Variants in RYR2 observed in about 807,000 individuals in gnomAD.
RYR2 encodes ryanodine receptor 2, also known as cardiac muscle ryanodine receptor-calcium release channel.
RYR2 carries 227 observed loss-of-function variants against 601.1 expected under a neutral mutation model. The ratio of observed to expected loss-of-function variants is 0.38; its 90% confidence interval spans 0.34 to 0.42. The LOEUF (loss-of-function observed/expected upper bound fraction) is 0.42, where lower values mean the gene tolerates loss of function less well. Among genes scored for constraint, RYR2 ranks in the 10% least tolerant of loss-of-function variants. RYR2 has a pLI of 1.00. For synonymous variants in RYR2, 2,223 were observed against 2,175.1 expected (o/e 1.02, Z -0.61); for missense variants, 4,646 against 6,156.5 (o/e 0.75, Z 8.21).
At chr1:237,441,667 A>G (rs753670471) in intron 13 of RYR2, among the ~76,000 whole-genome samples, 184 bp downstream of exon 13, 3 of 152,196 alleles carry the variant, frequency 2.0e-5, no homozygotes, top group South Asian at 2.1e-4. Context: ...TGGATGTTAC[A>G]TCACTCATAT....
intron 1 of RYR2, among the ~76,000 whole-genome samples, chr1:237,107,230 T>C (rs1033152234): frequency 3.9e-5 from 6 of 152,126 alleles, no homozygotes; most frequent in South Asian, 2.1e-4. Flanking sequence ...GATGCTGTAC[T>C]ATGAGCCCCA....
intron 1 of RYR2, among the ~76,000 whole-genome samples, chr1:237,054,224 T>C (rs1298595419): frequency 6.9e-6 from 1 of 145,116 alleles, no homozygotes; most frequent in African/African-American, 2.5e-5. Flanking sequence ...TTCCTTTTTC[T>C]TCCCTCCTTC....
At chr1:237,774,492 C>A (rs1694504430) in intron 87 of RYR2, among the ~76,000 whole-genome samples, 1 of 152,136 alleles carries the variant, frequency 6.6e-6, no homozygotes, top group African/African-American at 2.4e-5. Context: ...CTCCTCCAGG[C>A]TCACTCGCCT....
chr1:237,705,077 C>T, intron 66 of RYR2, 136 bp from the exon 67 acceptor site: 1 of 716,326 alleles, frequency 1.4e-6, no homozygotes, highest in African/African-American at 1.8e-5. Flanking sequence ...TTTAGCAATA[C>T]AGAAATTGGA....
At position 237,717,272 on chromosome 1, in the gene RYR2, T is replaced by C. The variant is rs549648547; in HGVS notation, c.10398T>C (p.Ile3466=). Residue 3466 remains isoleucine (I), a synonymous_variant, in exon 72 of 105, where the codon ATT becomes ATC. Transcript: ENST00000366574. The part of the protein sequence containing the change: ...GDRYSMQTSL[I]VAALKRLLPI... ...GGTATTCCATGCAGACCTCTCTGATTGTAGCAGCTCTGAAGCGGTTACTGC... is the reference window on the plus strand; with the variant it reads ...GGTATTCCATGCAGACCTCTCTGATCGTAGCAGCTCTGAAGCGGTTACTGC... 1 of 1,613,780 alleles carries C rather than the reference T, an allele frequency of 6.2e-7. No homozygotes were observed. Among genetic ancestry groups the C allele is most frequent in the Non-Finnish European group, 8.5e-7 (1 of 1,179,748 alleles).
At chr1:237,287,721 C>A (rs954734555) in intron 2 of RYR2, among the ~76,000 whole-genome samples, 20 of 152,182 alleles carry the variant, frequency 1.3e-4, no homozygotes, top group Non-Finnish European at 2.6e-4. Flanking sequence ...CTTCTTGTAT[C>A]ATTTTTTGTA....
intron 1 of RYR2, among the ~76,000 whole-genome samples, chr1:237,123,422 AC>A (rs1236836858): frequency 6.6e-6 from 1 of 152,084 alleles, no homozygotes; most frequent in African/African-American, 2.4e-5. Context: ...CCTAGTCTCT[AC>A]AAAAAAATAG....
intron 1 of RYR2, among the ~76,000 whole-genome samples, chr1:237,134,316 T>G (rs1402494501): frequency 6.6e-6 from 1 of 152,190 alleles, no homozygotes; most frequent in Non-Finnish European, 1.5e-5. Context: ...ATGTTCATGC[T>G]GTTAATCAAG....
intron 58 of RYR2, 69 bp downstream of exon 58, chr1:237,668,027 C>G: frequency 8.3e-7 from 1 of 1,201,600 alleles, no homozygotes; most frequent in Non-Finnish European, 1.2e-6. Context: ...TGGATGAAGT[C>G]GTCTTCAGCA....
At chr1:237,099,071 G>C (rs1330626637) in intron 1 of RYR2, among the ~76,000 whole-genome samples, 2 of 150,520 alleles carry the variant, frequency 1.3e-5, no homozygotes, top group African/African-American at 4.9e-5. Flanking sequence ...GGCTTTTAAA[G>C]ATCATCTTTC....
At chr1:237,436,463 T>TTTTTTTTTTTTTTTTTTTTG (rs1707380648) in intron 12 of RYR2, among the ~76,000 whole-genome samples, 1 of 131,546 alleles carries the variant, frequency 7.6e-6, no homozygotes, top group African/African-American at 2.9e-5. Flanking sequence ...CCTTTTTTTT[T>TTTTTTTTTTTTTTTTTTTTG]TTTTTTTTTT....
At chr1:237,116,606 A>G (rs535169696) in intron 1 of RYR2, among the ~76,000 whole-genome samples, 1 of 152,294 alleles carries the variant, frequency 6.6e-6, no homozygotes, top group South Asian at 2.1e-4. Context: ...ATTATGAGAA[A>G]TGGGCTCACA....
chr1:237,684,945 A>AAAG (rs397722429), intron 62 of RYR2, among the ~76,000 whole-genome samples: 1 of 151,172 alleles, frequency 6.6e-6, no homozygotes, highest in Non-Finnish European at 1.5e-5. Flanking sequence ...AAAAAAAAAA[A>AAAG]TACTGTAAAC....
intron 12 of RYR2, among the ~76,000 whole-genome samples, chr1:237,427,588 A>G (rs1037999611): frequency 6.6e-6 from 1 of 151,722 alleles, no homozygotes; most frequent in Non-Finnish European, 1.5e-5. Flanking sequence ...TTCGAGACCA[A>G]CCTGGCCAAC....
At chr1:237,402,382 A>C (rs1464276255) in intron 10 of RYR2, among the ~76,000 whole-genome samples, 1 of 150,500 alleles carries the variant, frequency 6.6e-6, no homozygotes, top group African/African-American at 2.4e-5. Flanking sequence ...GCAAGACCCT[A>C]TCTCTTAAAA....
chr1:237,392,152 G>C (rs534442602), intron 10 of RYR2, among the ~76,000 whole-genome samples: 1 of 152,104 alleles, frequency 6.6e-6, no homozygotes, highest in Non-Finnish European at 1.5e-5. Flanking sequence ...TCTTCAATTA[G>C]TGAGATAGAA....
At chr1:237,763,402 CTCTGCCAGTTGCCT>C (rs1693588047) in intron 84 of RYR2, among the ~76,000 whole-genome samples, 1 of 152,178 alleles carries the variant, frequency 6.6e-6, no homozygotes, top group Non-Finnish European at 1.5e-5. Context: ...CGCCAGTGTG[CTCTGCCAGTTGCCT>C]TCCAAGTATT....
intron 1 of RYR2, among the ~76,000 whole-genome samples, chr1:237,059,102 G>A (rs1368495479): frequency 1.3e-5 from 2 of 152,080 alleles, no homozygotes; most frequent in Non-Finnish European, 2.9e-5. Flanking sequence ...TTCCATAAAT[G>A]ACACCAGTTT....
At chr1:237,543,094 T>G (rs1669472302) in intron 25 of RYR2, among the ~76,000 whole-genome samples, 1 of 152,226 alleles carries the variant, frequency 6.6e-6, no homozygotes, top group South Asian at 2.1e-4. Flanking sequence ...AAGGCCCTGC[T>G]ATAAAGATCT....
Sources: allele counts gnomAD v4.1 joint callset (sites outside exome capture counted in the v4.1 genomes callset), GRCh38; gene constraint gnomAD v4.1.1; transcripts MANE v1.5; gene names NCBI Gene and HGNC (gene_info 2026-07-23, HGNC 2026-07-21).